M1AP: variants seen among roughly 807,000 people sequenced by gnomAD.
M1AP encodes the protein meiosis 1 arrest protein.
In M1AP, 39 loss-of-function variants were observed where a neutral mutation model predicts 51.2. The observed-to-expected ratio is 0.76, with a 90% CI of 0.59 to 1.00. M1AP has a LOEUF of 1.00. M1AP is among the 50% of genes least tolerant of loss of function. M1AP has a pLI of 0.00. For synonymous variants in M1AP, 251 were observed against 249.2 expected (o/e 1.01, Z -0.07); for missense variants, 545 against 641.2 (o/e 0.85, Z 1.62).
chr2:74,609,467 C>T (rs1224303460), intron 3 of M1AP, among the ~76,000 whole-genome samples: 1 of 152,222 alleles, frequency 6.6e-6, no homozygotes, highest in Non-Finnish European at 1.5e-5. Context: ...CATTGATAGA[C>T]ACTCAGGTTG....
chr2:74,598,290 G>T (rs1463920209), intron 4 of M1AP, among the ~76,000 whole-genome samples: 2 of 152,158 alleles, frequency 1.3e-5, no homozygotes. Context: ...GCTGAGGCAG[G>T]AGCATGGCTC....
chr2:74,645,102 G>A (rs930347376), intron 1 of M1AP, among the ~76,000 whole-genome samples: 1 of 152,148 alleles, frequency 6.6e-6, no homozygotes, highest in African/African-American at 2.4e-5. Flanking sequence ...AAGGTCTGCA[G>A]CTTCGCTCCT....
At chr2:74,566,642 TC>T (rs1227913507) in intron 7 of M1AP, among the ~76,000 whole-genome samples, 1 of 127,738 alleles carries the variant, frequency 7.8e-6, no homozygotes. Context: ...CACCTGTCTA[TC>T]CCCCCCACCC....
Position 74,630,855 on chromosome 2 carries a change from T to C in M1AP, c.240+9181A>G, listed in dbSNP as rs528238560. Among the ~76,000 whole-genome samples the C allele has an allele frequency of 2.0e-5, 3 of 152,320 alleles. No individual in the cohort carries two copies. In the South Asian group the frequency reaches 6.2e-4, roughly 32 times the overall value. On this transcript the variant is annotated intron_variant, in intron 2 of 10. Transcript: ENST00000421985. ...ATTCATTTGGGTATATACCTAGTAA[T>C]GGGATTGCTGGGTCAAAGGGTATTT...
chr2:74,579,711 G>A (rs1679290655), intron 5 of M1AP, among the ~76,000 whole-genome samples: 1 of 151,942 alleles, frequency 6.6e-6, no homozygotes, highest in Non-Finnish European at 1.5e-5. Flanking sequence ...GAGCTCTCTC[G>A]ATACAGGTAA....
At chr2:74,564,047 A>G (rs1359137349) in intron 7 of M1AP, among the ~76,000 whole-genome samples, 5 of 152,236 alleles carry the variant, frequency 3.3e-5, no homozygotes, top group Non-Finnish European at 7.3e-5. Context: ...ATAGAAGAAA[A>G]CACATGAGTT....
chr2:74,575,459 A>C lies in M1AP; in HGVS notation c.1053T>G (p.His351Gln). ...TCACCAGCAGGCTGTGACACAAAGC[A>C]TGGAAATGTTGCTGATTTGTCTCCA... ...DELETNQQHF[H>Q]ALCHSLLKRE... The change falls in exon 7 of 11, where the codon CAT (histidine) becomes CAG (glutamine). Residue 351 changes from histidine to glutamine, a missense_variant. Coordinates refer to ENST00000421985, the MANE Select transcript of M1AP (RefSeq NM_001321739.2). 1 of 1,614,152 alleles carries C rather than the reference A, an allele frequency of 6.2e-7. No individual in the cohort carries two copies. The highest frequency in any genetic ancestry group is 8.5e-7 in the Non-Finnish European group (1 of 1,180,032).
rs527598915 is a variant in M1AP at position 74,585,508 on chromosome 2, G to A, written c.596-3661C>T. 1.2e-3 allele frequency among the ~76,000 whole-genome samples: 181 copies of A among 152,316 alleles called. 1 individual carries two copies. Among genetic ancestry groups the A allele is most frequent in the African/African-American group, 4.2e-3 (175 of 41,566 alleles). The stretch of plus-strand genomic sequence containing the variant: ...AAATGTCATGTGGTTAGGTCCTCCT[G>A]GCAGCCAGCCAGGCAGCAGTCTTCC... On this transcript the variant is annotated intron_variant, in intron 4 of 10. Coordinates refer to ENST00000421985, the MANE Select transcript of M1AP (RefSeq NM_001321739.2).
At chr2:74,574,524 C>T (rs1048942633) in intron 7 of M1AP, among the ~76,000 whole-genome samples, 1 of 152,224 alleles carries the variant, frequency 6.6e-6, no homozygotes, top group Admixed American at 6.5e-5. Flanking sequence ...GACTAGTCTA[C>T]TGCAATACCC....
chr2:74,608,916 T>C (rs1380738022), intron 3 of M1AP, among the ~76,000 whole-genome samples: 1 of 152,228 alleles, frequency 6.6e-6, no homozygotes, highest in Non-Finnish European at 1.5e-5. Flanking sequence ...CTTTGGTCCA[T>C]TTTTTAAAGT....
At position 74,625,970 on chromosome 2, in the gene M1AP, G is replaced by A. The variant is rs1682358496; in HGVS notation, c.241-10821C>T. 2.0e-5 allele frequency among the ~76,000 whole-genome samples: 3 copies of A among 152,320 alleles called. No individual in the cohort carries two copies. The South Asian group carries it at 6.2e-4, about 32-fold the overall frequency. ...CTGCCTACACTCTCTCTGCATGCCTGTAAGCCCAGCCACCACTGTAGCTCA... is the reference window on the plus strand; with the variant it reads ...CTGCCTACACTCTCTCTGCATGCCTATAAGCCCAGCCACCACTGTAGCTCA... On this transcript the variant is annotated intron_variant, in intron 2 of 10. Coordinates refer to ENST00000421985, the MANE Select transcript of M1AP (RefSeq NM_001321739.2).
At chr2:74,590,002 A>G (rs1438040871) in intron 4 of M1AP, among the ~76,000 whole-genome samples, 2 of 152,150 alleles carry the variant, frequency 1.3e-5, no homozygotes, top group Non-Finnish European at 2.9e-5. Flanking sequence ...AAGTTTACGA[A>G]TTTTTGTTGG....
intron 4 of M1AP, among the ~76,000 whole-genome samples, chr2:74,587,633 G>A (rs886917077): frequency 1.3e-5 from 2 of 152,282 alleles, no homozygotes; most frequent in South Asian, 2.1e-4. Context: ...TCTGGGGATC[G>A]GGGAGGAGAC....
chr2:74,576,947 G>A, intron 5 of M1AP: 2 of 1,089,140 alleles, frequency 1.8e-6, no homozygotes, highest in Non-Finnish European at 2.3e-6. Context: ...TTGTGATCCA[G>A]TCTGAGGAAC....
intron 1 of M1AP, among the ~76,000 whole-genome samples, chr2:74,640,676 T>C (rs555031576): frequency 5.1e-4 from 78 of 152,296 alleles, no homozygotes; most frequent in African/African-American, 1.7e-3. Context: ...CAGGATGGTC[T>C]TGATCTCTTG....
At chr2:74,581,102 C>G (rs1451626236) in intron 5 of M1AP, among the ~76,000 whole-genome samples, 4 of 152,152 alleles carry the variant, frequency 2.6e-5, no homozygotes, top group African/African-American at 4.8e-5. Context: ...ATATTTTTGG[C>G]ATGACCAGAA....
At chr2:74,562,112 T>G (rs1678056746) in intron 8 of M1AP, 105 bp downstream of exon 8, 2 of 1,495,804 alleles carry the variant, frequency 1.3e-6, no homozygotes, top group Non-Finnish European at 8.9e-7. Flanking sequence ...ACCACACTCC[T>G]TCAGCTCCGC....
intron 7 of M1AP, among the ~76,000 whole-genome samples, chr2:74,574,452 T>G (rs1042165296): frequency 6.6e-6 from 1 of 152,254 alleles, no homozygotes; most frequent in Non-Finnish European, 1.5e-5. Flanking sequence ...AATATTTCTC[T>G]AATTGGTTTG....
At chr2:74,623,503 TAAA>T (rs1167122572) in intron 2 of M1AP, among the ~76,000 whole-genome samples, 2 of 117,748 alleles carry the variant, frequency 1.7e-5, no homozygotes, top group Non-Finnish European at 1.8e-5. Flanking sequence ...ACTCTGTCTA[TAAA>T]AAAAAAAAAA....
Sources: gnomAD v4.1 joint callset for allele counts (sites outside exome capture counted in the v4.1 genomes callset) on GRCh38, gnomAD v4.1.1 for gene constraint, MANE v1.5 for transcripts, NCBI Gene and HGNC (gene_info 2026-07-23, HGNC 2026-07-21) for gene names.